Variants in MYO1D observed in about 807,000 individuals in gnomAD.
The protein encoded by MYO1D is unconventional myosin-Id.
In MYO1D, 83 loss-of-function variants were observed where a neutral mutation model predicts 122.0. The observed-to-expected ratio is 0.68, with a 90% confidence interval of 0.57 to 0.82. The LOEUF (loss-of-function observed/expected upper bound fraction) is 0.82. MYO1D is among the 40% of genes least tolerant of loss of function. The pLI, the probability that MYO1D is intolerant of heterozygous loss-of-function variation, is 0.00. For synonymous variants in MYO1D, 464 were observed against 446.9 expected, an observed-to-expected ratio of 1.04 and a Z score of -0.48; for missense variants, 1,157 against 1,269.5, an observed-to-expected ratio of 0.91 and a Z score of 1.35.
chr17:32,856,425 T>C (rs911564154), intron 1 of MYO1D, among the ~76,000 whole-genome samples: 1 of 152,162 alleles, frequency 6.6e-6, no homozygotes, highest in African/African-American at 2.4e-5. Context: ...TATGGTCTTC[T>C]CTCCTTTCCA....
At chr17:32,537,876 GT>G (rs1910709118) in intron 21 of MYO1D, among the ~76,000 whole-genome samples, 1 of 152,198 alleles carries the variant, frequency 6.6e-6, no homozygotes, top group Non-Finnish European at 1.5e-5. Flanking sequence ...AGCTATAGTT[GT>G]CAAAAGTTCA....
At chr17:32,832,022 G>A (rs2090775249) in intron 1 of MYO1D, among the ~76,000 whole-genome samples, 1 of 152,174 alleles carries the variant, frequency 6.6e-6, no homozygotes, top group Admixed American at 6.5e-5. Flanking sequence ...CATCTCACTA[G>A]GATTCTGCAG....
At chr17:32,704,347 T>A (rs1157566976) in intron 16 of MYO1D, among the ~76,000 whole-genome samples, 1 of 152,214 alleles carries the variant, frequency 6.6e-6, no homozygotes, top group Non-Finnish European at 1.5e-5. Context: ...AAAACACATT[T>A]TTCAATATTC....
chr17:32,607,905 T>C (rs2087648574), intron 20 of MYO1D, among the ~76,000 whole-genome samples: 1 of 152,156 alleles, frequency 6.6e-6, no homozygotes, highest in Non-Finnish European at 1.5e-5. Flanking sequence ...AATGTGGGCA[T>C]CTGGATAACT....
chr17:32,733,347 A>T (rs555989386), intron 14 of MYO1D, among the ~76,000 whole-genome samples: 4 of 152,332 alleles, frequency 2.6e-5, no homozygotes, highest in African/African-American at 9.6e-5. Flanking sequence ...GGGCAATTAT[A>T]AGACCTGGAC....
In MYO1D at chr17:32,760,498, T is replaced by C; in HGVS notation, c.1165A>G (p.Ile389Val). 4 of 1,613,608 alleles carry C rather than the reference T, an allele frequency of 2.5e-6. No homozygotes were observed. The highest frequency in any genetic ancestry group is 3.4e-6 in the Non-Finnish European group (4 of 1,179,700). Residue 389 changes from isoleucine (I) to valine (V), a missense_variant, in exon 9 of 22, where the codon ATC becomes GTC. By Grantham distance (29) the Ile-to-Val change is conservative (BLOSUM62 3). Coordinates refer to ENST00000318217, the MANE Select transcript of MYO1D (RefSeq NM_015194.3). Reference sequence around the variant, plus strand: ...CCAGTTTACCTGTTGTTGTCAAAGATTTCAAAGCCATAGATATCCAAGACA... The same window carrying C: ...CCAGTTTACCTGTTGTTGTCAAAGACTTCAAAGCCATAGATATCCAAGACA... ...IGVLDIYGFE[I>V]FDNNSFEQFC...
chr17:32,523,701 T>G (rs1246456135), intron 21 of MYO1D, among the ~76,000 whole-genome samples: 1 of 149,204 alleles, frequency 6.7e-6, no homozygotes, highest in African/African-American at 2.5e-5. Flanking sequence ...CTTAGGAGGC[T>G]GAGTCCCTGA....
At chr17:32,837,447 A>G (rs1301678316) in intron 1 of MYO1D, among the ~76,000 whole-genome samples, 1 of 152,070 alleles carries the variant, frequency 6.6e-6, no homozygotes, top group Non-Finnish European at 1.5e-5. Flanking sequence ...ACCACCGTTT[A>G]ATGATTCTCT....
At chr17:32,651,440 C>T (rs913948596) in intron 19 of MYO1D, among the ~76,000 whole-genome samples, 2 of 152,214 alleles carry the variant, frequency 1.3e-5, no homozygotes, top group African/African-American at 4.8e-5. Context: ...GTCTCTCTCA[C>T]TGTTGAAAAG....
chr17:32,864,008 T>TTTTC, intron 1 of MYO1D, among the ~76,000 whole-genome samples: 1 of 21,524 alleles, frequency 4.6e-5, no homozygotes, highest in African/African-American at 1.9e-4. Flanking sequence ...CATTTCTTCC[T>TTTTC]TTTTTTTTTT....
chr17:32,828,875 A>G (rs1201379115), intron 1 of MYO1D, among the ~76,000 whole-genome samples: 4 of 152,174 alleles, frequency 2.6e-5, no homozygotes, highest in Non-Finnish European at 1.5e-5. Flanking sequence ...ACTATACTAT[A>G]TTCCTGCTAT....
At chr17:32,595,677 T>C (rs992666232) in intron 21 of MYO1D, among the ~76,000 whole-genome samples, 1 of 152,172 alleles carries the variant, frequency 6.6e-6, no homozygotes, top group African/African-American at 2.4e-5. Flanking sequence ...TCAACAGTTA[T>C]TTACAGGGAA....
intron 15 of MYO1D, among the ~76,000 whole-genome samples, chr17:32,716,220 T>C (rs913805591): frequency 7.2e-5 from 11 of 152,342 alleles, no homozygotes; most frequent in Admixed American, 5.9e-4. Flanking sequence ...TCCTTGAAAG[T>C]CTGGCTCCTT....
rs199953504 is a variant in MYO1D at position 32,612,211 on chromosome 17, AAATT to A, written c.2710-6974_2710-6971del. Reference sequence around the variant, plus strand: ...AAAACAAAAATATACCCTGTTTATAAAATTAATTAAGATAAAAGTAGAAGTTTAT... The same window carrying A: ...AAAACAAAAATATACCCTGTTTATAAAATTAAGATAAAAGTAGAAGTTTAT... On this transcript the variant is annotated intron_variant, in intron 20 of 21. Transcript: ENST00000318217. Among the ~76,000 whole-genome samples, 151 of 152,326 alleles carry A rather than the reference AAATT, an allele frequency of 9.9e-4. 1 individual carries two copies. In the East Asian group the frequency reaches 0.012, roughly 12 times the overall value.
chr17:32,806,318 GTTGT>G (rs919385659), intron 1 of MYO1D, among the ~76,000 whole-genome samples: 17 of 152,246 alleles, frequency 1.1e-4, no homozygotes, highest in African/African-American at 3.6e-4. Context: ...AAGGTGTTAT[GTTGT>G]TTGTTTTTCA....
chr17:32,656,119 C>A (rs528480890), intron 17 of MYO1D, among the ~76,000 whole-genome samples: 1 of 152,294 alleles, frequency 6.6e-6, no homozygotes, highest in South Asian at 2.1e-4. Context: ...ATGCTTATAT[C>A]CTCTCTTCTG....
rs372567545 is a variant in MYO1D, at chr17:32,743,678, C to T, written c.1613+1533G>A. ...TGTCGCCCAGGCTGGAGTGCAGTGG[C>T]GCGATCTCGGCTCACTGCAAGCTCC... On this transcript the variant is annotated intron_variant, in intron 13 of 21. Transcript: ENST00000318217. 7.9e-5 allele frequency among the ~76,000 whole-genome samples: 12 copies of T among 151,712 alleles called. No homozygotes were observed. The East Asian group carries it at 9.8e-4, about 12-fold the overall frequency.
At chr17:32,758,468 T>C (rs960018035) in intron 10 of MYO1D, among the ~76,000 whole-genome samples, 29 of 152,184 alleles carry the variant, frequency 1.9e-4, no homozygotes, top group Admixed American at 1.2e-3. Flanking sequence ...ATTGTGATTA[T>C]GGTTTTTGTA....
intron 16 of MYO1D, among the ~76,000 whole-genome samples, chr17:32,660,941 T>C (rs1235763125): frequency 6.6e-6 from 1 of 152,230 alleles, no homozygotes; most frequent in Non-Finnish European, 1.5e-5. Context: ...AGTTTCCTAC[T>C]GTTTGTTGCT....
Sources: gnomAD v4.1 joint callset for allele counts (sites outside exome capture counted in the v4.1 genomes callset) on GRCh38, gnomAD v4.1.1 for gene constraint, MANE v1.5 for transcripts, NCBI Gene and HGNC (gene_info 2026-07-23, HGNC 2026-07-21) for gene names.